SLCO3A1: variants seen among roughly 807,000 people sequenced by gnomAD.
SLCO3A1 encodes the protein PGE1 transporter.
Under a neutral mutation model 63.1 loss-of-function variants are expected in SLCO3A1, and 27 were observed. The ratio of observed to expected loss-of-function variants is 0.43; its 90% confidence interval spans 0.32 to 0.59. SLCO3A1 has a LOEUF of 0.59. SLCO3A1 is among the 20% of genes least tolerant of loss of function. The pLI, the probability that SLCO3A1 is intolerant of heterozygous loss-of-function variation, is 0.09. For missense variants in SLCO3A1, 773 were observed against 945.8 expected, an observed-to-expected ratio of 0.82 and a Z score of 2.40; for synonymous variants, 473 against 409.9, an observed-to-expected ratio of 1.15 and a Z score of -1.86.
chr15:91,863,319 G>A lies in SLCO3A1; in HGVS notation c.180+9231G>A, dbSNP rs1343855897. Among the ~76,000 whole-genome samples the A allele has an allele frequency of 1.2e-4, 19 of 152,232 alleles. No homozygotes were observed. Among genetic ancestry groups the A allele is most frequent in the Admixed American group, 1.2e-3 (19 of 15,284 alleles). Reference sequence around the variant, plus strand: ...TCCCCTTCTCTCCAGGGGTACAGGAGGCTTGTCCTGGGTCTGTGGTCACTG... The same window carrying A: ...TCCCCTTCTCTCCAGGGGTACAGGAAGCTTGTCCTGGGTCTGTGGTCACTG... On this transcript the variant is annotated intron_variant, in intron 1 of 9. Coordinates refer to ENST00000318445, the MANE Select transcript of SLCO3A1 (RefSeq NM_013272.4). This position sits in a 1 kb window ranked among gnomAD's most constrained non-coding sequence, Gnocchi z 4.3.
chr15:91,964,367 G>A (rs1185085663), intron 2 of SLCO3A1, among the ~76,000 whole-genome samples: 10 of 151,902 alleles, frequency 6.6e-5, no homozygotes, highest in Admixed American at 5.2e-4. Context: ...CCTTTTTAGG[G>A]CATGGTAAAT....
Position 92,132,439 on chromosome 15 carries a change from G to A in SLCO3A1, c.1512+3950G>A, listed in dbSNP as rs1385312755. ...TAATTCTTCTCACTGCATATGACCA[G>A]GAAGGGTGACCAAAAAAAAATTGAG... On this transcript the variant is annotated intron_variant, in intron 7 of 9. Transcript: ENST00000318445. Among the ~76,000 whole-genome samples, 4 of 143,926 alleles carry A rather than the reference G, an allele frequency of 2.8e-5. 1 individual carries two copies. Among genetic ancestry groups the A allele is most frequent in the Middle Eastern group, 3.2e-3 (1 of 312 alleles). 94.4% of individuals were successfully genotyped at this position (143,926 alleles called of 152,430 possible).
At chr15:92,092,239 C>T (rs1319278130) in intron 2 of SLCO3A1, among the ~76,000 whole-genome samples, 1 of 152,134 alleles carries the variant, frequency 6.6e-6, no homozygotes, top group Admixed American at 6.5e-5. Flanking sequence ...TCCAAGGATG[C>T]TGAAGGCTTG....
chr15:91,930,635 C>T (rs893950334), intron 2 of SLCO3A1, among the ~76,000 whole-genome samples: 2 of 152,154 alleles, frequency 1.3e-5, no homozygotes, highest in Non-Finnish European at 2.9e-5. Context: ...TGATAACTTA[C>T]GATGTGTCAG....
At chr15:92,003,695 T>C (rs2046281302) in intron 2 of SLCO3A1, among the ~76,000 whole-genome samples, 1 of 152,204 alleles carries the variant, frequency 6.6e-6, no homozygotes, top group African/African-American at 2.4e-5. Flanking sequence ...TGAAGGGCTT[T>C]CGTGAGTGAT....
chr15:91,977,005 CA>C (rs1567047709), intron 2 of SLCO3A1, among the ~76,000 whole-genome samples: 2 of 152,012 alleles, frequency 1.3e-5, no homozygotes, highest in Non-Finnish European at 2.9e-5. Flanking sequence ...CCAGTCTGAC[CA>C]AAATTTATTA....
chr15:92,165,283 C>T lies in SLCO3A1; in HGVS notation c.*2148C>T, dbSNP rs779179997. Reference sequence around the variant, plus strand: ...ATGAAAATGGGGACACTCATCAGTACGTTAACTACTAAAGGGGAGATGGTT... The same window carrying T: ...ATGAAAATGGGGACACTCATCAGTATGTTAACTACTAAAGGGGAGATGGTT... On this transcript the variant is annotated 3_prime_UTR_variant, in exon 10 of 10. Transcript: ENST00000318445. 6.5e-5 allele frequency: 64 copies of T among 985,190 alleles called. No homozygotes were observed. Among genetic ancestry groups the T allele is most frequent in the Middle Eastern group, 5.2e-4 (1 of 1,936 alleles). 61.0% of individuals were successfully genotyped at this position (985,190 alleles called of 1,614,324 possible).
intron 2 of SLCO3A1, among the ~76,000 whole-genome samples, chr15:91,933,019 A>T (rs1253677461): frequency 6.6e-6 from 1 of 152,110 alleles, no homozygotes; most frequent in African/African-American, 2.4e-5. Context: ...CCCCATTTCA[A>T]CTATTTTGTT....
At position 91,916,208 on chromosome 15, in the gene SLCO3A1, G is replaced by A. The variant is rs1178287717; in HGVS notation, c.396G>A (p.Gln132=). Residue 132 remains glutamine (Q), a synonymous_variant, in exon 2 of 10, where the codon CAG becomes CAA. Coordinates refer to ENST00000318445, the MANE Select transcript of SLCO3A1 (RefSeq NM_013272.4). This position sits in a 1 kb window ranked among gnomAD's most constrained non-coding sequence, Gnocchi z 6.2. ...LSALPEFLTH[Q]YKYEAGEIRW... Reference sequence around the variant, plus strand: ...CGCTGCCCGAGTTCCTGACCCACCAGTACAAGTACGAGGCGGGCGAGATCC... The same window carrying A: ...CGCTGCCCGAGTTCCTGACCCACCAATACAAGTACGAGGCGGGCGAGATCC... The A allele has an allele frequency of 2.5e-6, 4 of 1,588,926 alleles. No homozygotes were observed. Among genetic ancestry groups the A allele is most frequent in the Middle Eastern group, 1.7e-4 (1 of 6,046 alleles).
intron 7 of SLCO3A1, among the ~76,000 whole-genome samples, chr15:92,134,006 A>T (rs1450624599): frequency 2.0e-5 from 3 of 152,202 alleles, no homozygotes; most frequent in African/African-American, 7.2e-5. Flanking sequence ...CCTGAGCCAA[A>T]GTTTAACTGG....
At position 91,863,335 on chromosome 15, in the gene SLCO3A1, G is replaced by T. The variant is rs60893932; in HGVS notation, c.180+9247G>T. On this transcript the variant is annotated intron_variant, in intron 1 of 9. Transcript: ENST00000318445. The surrounding 1 kb of genome is among the most constrained non-coding windows in gnomAD (Gnocchi z 4.3). The stretch of plus-strand genomic sequence containing the variant: ...GGTACAGGAGGCTTGTCCTGGGTCT[G>T]TGGTCACTGTAGCTTTCAGGGTGGT... Among the ~76,000 whole-genome samples, 104 of 152,348 alleles carry T rather than the reference G, an allele frequency of 6.8e-4. No homozygotes were observed. Among genetic ancestry groups the T allele is most frequent in the African/African-American group, 2.2e-3 (93 of 41,584 alleles).
chr15:92,038,771 A>T (rs1343448307), intron 2 of SLCO3A1, among the ~76,000 whole-genome samples: 1 of 152,220 alleles, frequency 6.6e-6, no homozygotes, highest in Non-Finnish European at 1.5e-5. Flanking sequence ...TTTATATGGA[A>T]CCAAAAAAGA....
intron 2 of SLCO3A1, among the ~76,000 whole-genome samples, chr15:91,996,653 A>G (rs1370331816): frequency 6.6e-6 from 1 of 152,160 alleles, no homozygotes; most frequent in Non-Finnish European, 1.5e-5. Flanking sequence ...ATAGAAATAG[A>G]TGTTATTTGA....
At chr15:92,140,602 G>A (rs186479778) in intron 7 of SLCO3A1, among the ~76,000 whole-genome samples, 5 of 152,280 alleles carry the variant, frequency 3.3e-5, no homozygotes, top group African/African-American at 9.6e-5. Flanking sequence ...CATTATTAAT[G>A]TGTGGGAGTC....
intron 2 of SLCO3A1, among the ~76,000 whole-genome samples, chr15:92,048,103 GCTT>G (rs2046912108): frequency 6.6e-6 from 1 of 152,122 alleles, no homozygotes; most frequent in African/African-American, 2.4e-5. Context: ...CATAGGAACT[GCTT>G]CTCTGCTCTG....
At chr15:91,919,600 C>A (rs1226735862) in intron 2 of SLCO3A1, among the ~76,000 whole-genome samples, 1 of 152,228 alleles carries the variant, frequency 6.6e-6, no homozygotes, top group African/African-American at 2.4e-5. Context: ...GGAGTCTAGT[C>A]ATGCCTCTAG....
rs1255350634 is a variant in SLCO3A1, at chr15:91,948,258, A to G, written c.646+31800A>G. Among the ~76,000 whole-genome samples, 1 of 152,158 alleles carries G rather than the reference A, an allele frequency of 6.6e-6. No homozygotes were observed. On this transcript the variant is annotated intron_variant, in intron 2 of 9. Transcript: ENST00000318445. The surrounding 1 kb of genome is among the most constrained non-coding windows in gnomAD (Gnocchi z 4.8). ...CTGCTTGGCGCATGAGAATACAACC[A>G]GCTGGTCCCTCCACAGTGGGCTCAA...
In SLCO3A1 at chr15:91,941,461, T is replaced by C. The variant is rs1899617734; in HGVS notation, c.646+25003T>C. 1 of 449,400 alleles carries C rather than the reference T, an allele frequency of 2.2e-6. No homozygotes were observed. Among genetic ancestry groups the C allele is most frequent in the African/African-American group, 2.0e-5 (1 of 49,588 alleles). 27.8% of individuals were successfully genotyped at this position (449,400 alleles called of 1,614,324 possible). A position where few individuals can be genotyped will look rare whatever the true frequency, so the allele number is the denominator to read the frequency against. ...GGTGGTGGCCTGGTTCCTTTGGCCTTAGGGAAGGACAAACTTCAACTCTGA... is the reference window on the plus strand; with the variant it reads ...GGTGGTGGCCTGGTTCCTTTGGCCTCAGGGAAGGACAAACTTCAACTCTGA... On this transcript the variant is annotated intron_variant, in intron 2 of 9. Transcript: ENST00000318445. This position sits in a 1 kb window ranked among gnomAD's most constrained non-coding sequence, Gnocchi z 4.4.
At chr15:91,932,888 T>G (rs1899284458) in intron 2 of SLCO3A1, among the ~76,000 whole-genome samples, 1 of 152,224 alleles carries the variant, frequency 6.6e-6, no homozygotes, top group African/African-American at 2.4e-5. Context: ...TGATGTGTGC[T>G]TCCATCATGG....
Sources: gnomAD v4.1 joint callset for allele counts (sites outside exome capture counted in the v4.1 genomes callset) on GRCh38, gnomAD v4.1.1 for gene constraint, Gnocchi (gnomAD v3.1) non-coding constraint, MANE v1.5 for transcripts, NCBI Gene and HGNC (gene_info 2026-07-23, HGNC 2026-07-21) for gene names.